CAMTA1: variants seen among roughly 807,000 people sequenced by gnomAD.
CAMTA1 encodes the protein calmodulin-binding transcription activator 1.
CAMTA1 carries 27 observed loss-of-function variants against 170.9 expected under a neutral mutation model. The ratio of observed to expected loss-of-function variants is 0.16; its 90% CI spans 0.12 to 0.22. The LOEUF (loss-of-function observed/expected upper bound fraction) is 0.22. CAMTA1 is among the 10% of genes least tolerant of loss of function. The pLI is 1.00. For synonymous variants in CAMTA1, 833 were observed against 891.5 expected (o/e 0.93, Z 1.17); for missense variants, 1,619 against 2,217.2 (o/e 0.73, Z 5.42).
chr1:7,524,590 T>C (rs1332257264), intron 6 of CAMTA1, among the ~76,000 whole-genome samples: 1 of 152,152 alleles, frequency 6.6e-6, no homozygotes, highest in Non-Finnish European at 1.5e-5. Flanking sequence ...CACCATTAAA[T>C]TGATGTGAGC....
intron 5 of CAMTA1, among the ~76,000 whole-genome samples, chr1:7,428,018 G>T (rs1392152046): frequency 6.6e-6 from 1 of 152,210 alleles, no homozygotes; most frequent in African/African-American, 2.4e-5. Flanking sequence ...CGGGAGGGAA[G>T]CAGGAAGCAG....
intron 5 of CAMTA1, among the ~76,000 whole-genome samples, chr1:7,257,319 T>C (rs116284450): frequency 3.9e-5 from 6 of 152,312 alleles, no homozygotes; most frequent in African/African-American, 1.4e-4. Flanking sequence ...TCATCCACGG[T>C]CTGCAAGACA....
intron 4 of CAMTA1, among the ~76,000 whole-genome samples, chr1:7,098,156 T>C (rs1642306868): frequency 6.6e-6 from 1 of 152,186 alleles, no homozygotes; most frequent in South Asian, 2.1e-4. Context: ...TGTGTGTGCA[T>C]GTGCAGGGGG....
intron 3 of CAMTA1, among the ~76,000 whole-genome samples, chr1:6,990,863 T>C (rs1696266616): frequency 6.6e-6 from 1 of 151,656 alleles, no homozygotes; most frequent in African/African-American, 2.4e-5. Flanking sequence ...CAATAGCTTT[T>C]TGGGGGTACA....
intron 3 of CAMTA1, among the ~76,000 whole-genome samples, chr1:6,947,715 G>C (rs1244859888): frequency 6.6e-6 from 1 of 151,930 alleles, no homozygotes; most frequent in Non-Finnish European, 1.5e-5. Flanking sequence ...GTTATATATA[G>C]TTTTCAGAGT....
chr1:7,285,363 C>T (rs958989435), intron 5 of CAMTA1, among the ~76,000 whole-genome samples: 4 of 152,188 alleles, frequency 2.6e-5, no homozygotes, highest in Non-Finnish European at 5.9e-5. Context: ...TGGTGGGTGG[C>T]GCTGATGCAC....
chr1:7,373,290 G>A (rs909293225), intron 5 of CAMTA1, among the ~76,000 whole-genome samples: 1 of 152,192 alleles, frequency 6.6e-6, no homozygotes, highest in African/African-American at 2.4e-5. Context: ...GCTAAATGTC[G>A]CTGGAGCTGC....
chr1:7,620,838 AG>A (rs1441460821), intron 6 of CAMTA1, among the ~76,000 whole-genome samples: 4 of 152,202 alleles, frequency 2.6e-5, no homozygotes, highest in Non-Finnish European at 4.4e-5. Flanking sequence ...AGACCATTCA[AG>A]AGTGGGTCAG....
At chr1:7,477,227 G>A (rs2093435044) in intron 6 of CAMTA1, among the ~76,000 whole-genome samples, 1 of 152,128 alleles carries the variant, frequency 6.6e-6, no homozygotes, top group Admixed American at 6.5e-5. Context: ...AGCTTCATCT[G>A]GACTAGTAAA....
intron 5 of CAMTA1, among the ~76,000 whole-genome samples, chr1:7,361,636 C>CAAGATA (rs2085544482): frequency 6.6e-6 from 1 of 152,208 alleles, no homozygotes; most frequent in Non-Finnish European, 1.5e-5. Flanking sequence ...CAAGATGAAT[C>CAAGATA]TCATTTCATG....
intron 5 of CAMTA1, among the ~76,000 whole-genome samples, chr1:7,419,931 C>A (rs2091449331): frequency 6.6e-6 from 1 of 152,214 alleles, no homozygotes; most frequent in African/African-American, 2.4e-5. Flanking sequence ...CCACGCTGGA[C>A]CACTCCACCA....
chr1:6,904,340 G>A (rs1449012134), intron 3 of CAMTA1, among the ~76,000 whole-genome samples: 6 of 152,132 alleles, frequency 3.9e-5, no homozygotes, highest in Non-Finnish European at 8.8e-5. Flanking sequence ...CTGGGACACC[G>A]TCTTCCTGCC....
chr1:6,875,107 C>G (rs1402079563), intron 3 of CAMTA1, among the ~76,000 whole-genome samples: 1 of 152,152 alleles, frequency 6.6e-6, no homozygotes, highest in Admixed American at 6.5e-5. Flanking sequence ...TAAATAAATT[C>G]ACCCAGGCTC....
At chr1:7,080,706 T>C (rs1639890150) in intron 3 of CAMTA1, among the ~76,000 whole-genome samples, 1 of 152,180 alleles carries the variant, frequency 6.6e-6, no homozygotes, top group African/African-American at 2.4e-5. Flanking sequence ...GGCTAATTTT[T>C]GTATTTTTAA....
At chr1:7,476,182 C>T (rs1204921300) in intron 6 of CAMTA1, among the ~76,000 whole-genome samples, 1 of 152,208 alleles carries the variant, frequency 6.6e-6, no homozygotes, top group East Asian at 1.9e-4. Context: ...GCAGGGGACA[C>T]TGAGCCAGCC....
At chr1:7,378,760 A>T (rs149452282) in intron 5 of CAMTA1, among the ~76,000 whole-genome samples, 1 of 152,112 alleles carries the variant, frequency 6.6e-6, no homozygotes, top group African/African-American at 2.4e-5. Flanking sequence ...TGTGAATTTT[A>T]CTTCAATTAA....
chr1:7,346,994 G>A (rs2084269892), intron 5 of CAMTA1, among the ~76,000 whole-genome samples: 1 of 152,228 alleles, frequency 6.6e-6, no homozygotes, highest in Non-Finnish European at 1.5e-5. Flanking sequence ...TCTGTAGGGT[G>A]ACCTGTCCCA....
At chr1:7,258,504 C>G (rs1667730866) in intron 5 of CAMTA1, among the ~76,000 whole-genome samples, 1 of 152,208 alleles carries the variant, frequency 6.6e-6, no homozygotes, top group African/African-American at 2.4e-5. Context: ...GGGCCATTCT[C>G]TGTTTGGTCC....
chr1:7,654,785 ACC>A (rs2095871257), intron 7 of CAMTA1, among the ~76,000 whole-genome samples: 1 of 141,698 alleles, frequency 7.1e-6, no homozygotes, highest in South Asian at 2.3e-4. Context: ...ACACACCTAT[ACC>A]CACACACCTA....
Sources: allele counts gnomAD v4.1 joint callset (sites outside exome capture counted in the v4.1 genomes callset), GRCh38; gene constraint gnomAD v4.1.1; transcripts MANE v1.5; gene names NCBI Gene and HGNC (gene_info 2026-07-23, HGNC 2026-07-21).